TBPL1: variants seen among roughly 807,000 people sequenced by gnomAD.
The protein encoded by TBPL1 is TATA box-binding protein-like 1.
A neutral mutation model predicts 22.1 loss-of-function variants in TBPL1; 4 were observed. The ratio of observed to expected loss-of-function variants is 0.18; its 90% CI spans 0.09 to 0.41. The LOEUF (loss-of-function observed/expected upper bound fraction) is 0.41, where lower values mean the gene tolerates loss of function less well. Ranked by LOEUF, TBPL1 falls within the 10% of genes least tolerant of loss-of-function variation. The probability of loss-of-function intolerance (pLI) is 1.00; values close to 1 mark genes in which losing one functional copy is unlikely to be tolerated. For synonymous variants in TBPL1, 64 were observed against 71.0 expected, an observed-to-expected ratio of 0.90 and a Z score of 0.50; for missense variants, 115 against 222.3, an observed-to-expected ratio of 0.52 and a Z score of 3.07.
At chr6:133,959,467 C>T (rs2114324265) in intron 1 of TBPL1, among the ~76,000 whole-genome samples, 2 of 151,690 alleles carry the variant, frequency 1.3e-5, no homozygotes, top group East Asian at 3.9e-4. Context: ...CTCTAGTGTT[C>T]TTTCTTTCTT....
At position 133,964,904 on chromosome 6, in the gene TBPL1, T is replaced by C. The variant is rs74645340; in HGVS notation, c.-45+11479T>C. Among the ~76,000 whole-genome samples, 611 of 152,248 alleles carry C rather than the reference T, an allele frequency of 4.0e-3. 5 individuals are homozygous for C. Among genetic ancestry groups the C allele is most frequent in the African/African-American group, 0.014 (583 of 41,528 alleles). On this transcript the variant is annotated intron_variant, in intron 1 of 6. Transcript: ENST00000237264. ...ATAAAAACAGTCGAAACTATGAAAA[T>C]AGGAAGTTTCACCCGTTGTATTTTC...
chr6:133,964,551 C>T (rs575438975), intron 1 of TBPL1, among the ~76,000 whole-genome samples: 5 of 150,846 alleles, frequency 3.3e-5, no homozygotes, highest in Non-Finnish European at 7.4e-5. Flanking sequence ...CCCGGGTTCA[C>T]GCCATTCTCC....
chr6:133,967,190 C>G (rs930045444), intron 1 of TBPL1, among the ~76,000 whole-genome samples: 4 of 152,174 alleles, frequency 2.6e-5, no homozygotes, highest in Non-Finnish European at 5.9e-5. Context: ...AGGTCCCTAT[C>G]CCCTAGTATG....
chr6:133,976,328 A>G (rs1776311935), intron 1 of TBPL1, among the ~76,000 whole-genome samples: 1 of 152,222 alleles, frequency 6.6e-6, no homozygotes, highest in Non-Finnish European at 1.5e-5. Flanking sequence ...TTGAACATTT[A>G]CAATGTTTCA....
At chr6:133,954,749 C>G (rs1460287456) in intron 1 of TBPL1, among the ~76,000 whole-genome samples, 13 of 152,218 alleles carry the variant, frequency 8.5e-5, no homozygotes. Context: ...TTAAACCTGA[C>G]TTCTCCTAAG....
At chr6:133,959,842 T>C (rs1206726815) in intron 1 of TBPL1, among the ~76,000 whole-genome samples, 3 of 152,212 alleles carry the variant, frequency 2.0e-5, no homozygotes, top group African/African-American at 7.2e-5. Context: ...CTTTCAGATA[T>C]GAACATAATA....
chr6:133,984,043 T>C (rs1776463635), intron 4 of TBPL1, among the ~76,000 whole-genome samples: 1 of 152,208 alleles, frequency 6.6e-6, no homozygotes, highest in Non-Finnish European at 1.5e-5. Flanking sequence ...TGACCTGGAC[T>C]TAAATTTTTT....
chr6:133,978,343 C>G (rs543815325), intron 1 of TBPL1, among the ~76,000 whole-genome samples: 1 of 152,294 alleles, frequency 6.6e-6, no homozygotes, highest in East Asian at 1.9e-4. Context: ...TTTCACAACA[C>G]TGCTGTGTGG....
chr6:133,973,127 G>T (rs868641747), intron 1 of TBPL1, among the ~76,000 whole-genome samples: 3 of 152,210 alleles, frequency 2.0e-5, no homozygotes, highest in Admixed American at 6.5e-5. Flanking sequence ...TTGGGATTGG[G>T]ACACAAAATG....
intron 1 of TBPL1, among the ~76,000 whole-genome samples, chr6:133,978,389 A>G (rs895874843): frequency 6.6e-6 from 1 of 152,218 alleles, no homozygotes; most frequent in East Asian, 1.9e-4. Context: ...ATATGAGAAC[A>G]CTGAGACACA....
chr6:133,981,173 G>T (rs143423826), intron 2 of TBPL1, among the ~76,000 whole-genome samples: 1 of 151,818 alleles, frequency 6.6e-6, no homozygotes, highest in Non-Finnish European at 1.5e-5. Context: ...GGGTTTCACC[G>T]TGTTGGCCAG....
At position 133,953,231 on chromosome 6, in the gene TBPL1, C is replaced by G. The variant is rs1351532325; in HGVS notation, c.-239C>G. 6.5e-6 allele frequency: 1 copy of G among 152,824 alleles called. No individual in the cohort carries two copies. Among genetic ancestry groups the G allele is most frequent in the Non-Finnish European group, 1.5e-5 (1 of 68,200 alleles). 9.5% of individuals were successfully genotyped at this position (152,824 alleles called of 1,614,324 possible). ...CGGGGAAGCTGCGGCCGCCTCGCAC[C>G]CGGAACAACAAAGCAAGGAAGACGG... On this transcript the variant is annotated 5_prime_UTR_variant, in exon 1 of 7. Transcript: ENST00000237264.
chr6:133,969,623 G>A (rs550236786), intron 1 of TBPL1, among the ~76,000 whole-genome samples: 53 of 152,200 alleles, frequency 3.5e-4, no homozygotes, highest in African/African-American at 1.2e-3. Context: ...TTTATGGCCA[G>A]GCAAACTTGG....
rs1326174382 is a variant in TBPL1, at chr6:133,982,811, C to T, written c.219-6C>T. ...TGATAATCTTTTTCTTTCCTTAAAA[C>T]CGTAGTGAAGAAGAAGCTAAATTTG... On this transcript the variant is annotated splice_polypyrimidine_tract_variant and splice_region_variant and intron_variant, in intron 3 of 6. Transcript: ENST00000237264. The T allele has an allele frequency of 6.8e-6, 11 of 1,610,152 alleles. No homozygotes were observed. In the East Asian group the frequency reaches 1.3e-4, roughly 20 times the overall value.
chr6:133,972,476 C>G (rs1312870171), intron 1 of TBPL1, among the ~76,000 whole-genome samples: 1 of 152,196 alleles, frequency 6.6e-6, no homozygotes, highest in African/African-American at 2.4e-5. Context: ...GTCCAGTAAT[C>G]AGCAAACTTT....
intron 2 of TBPL1, among the ~76,000 whole-genome samples, chr6:133,982,034 G>A (rs1407300032): frequency 6.6e-6 from 1 of 152,150 alleles, no homozygotes; most frequent in East Asian, 1.9e-4. Context: ...AAGTAGTGAT[G>A]GGTACCATGA....
rs17063228 is a variant in TBPL1 at position 133,990,201 on chromosome 6, T to A, written c.*3161T>A. 0.11 allele frequency: 16,698 copies of A among 152,672 alleles called. 1,586 individuals carry two copies. Among genetic ancestry groups the A allele is most frequent in the African/African-American group, 0.26 (10,601 of 41,502 alleles). The allele number at this position is 152,672 out of a possible 1,614,324, so 9.5% of individuals were successfully genotyped here. On this transcript the variant is annotated 3_prime_UTR_variant, in exon 7 of 7. Coordinates refer to ENST00000237264, the MANE Select transcript of TBPL1 (RefSeq NM_004865.4). Reference sequence around the variant, plus strand: ...CTGAACATCATCATCAATTATAGCCTGTGTACCGTAACCTGAGGTAGTGAT... The same window carrying A: ...CTGAACATCATCATCAATTATAGCCAGTGTACCGTAACCTGAGGTAGTGAT...
Position 133,982,822 on chromosome 6 carries a change from A to C in TBPL1, c.224A>C (p.Glu75Ala). 1.9e-6 allele frequency: 3 copies of C among 1,611,174 alleles called. No homozygotes were observed. The highest frequency in any genetic ancestry group is 2.5e-6 in the Non-Finnish European group (3 of 1,179,306). ...TTCTTTCCTTAAAACCGTAGTGAAG[A>C]AGAAGCTAAATTTGGTGCCAGACGC... is the stretch of plus-strand genomic sequence containing the variant. ...KIICTGATSE[E>A]EAKFGARRLA... Residue 75 changes from glutamate to alanine, a missense_variant, in exon 4 of 7, where the codon GAA (glutamate) becomes GCA (alanine). Coordinates refer to ENST00000237264, the MANE Select transcript of TBPL1 (RefSeq NM_004865.4).
At chr6:133,965,305 A>G (rs550761098) in intron 1 of TBPL1, among the ~76,000 whole-genome samples, 135 of 152,348 alleles carry the variant, frequency 8.9e-4, no homozygotes, top group African/African-American at 3.1e-3. Flanking sequence ...GTAGGGGCAC[A>G]TATAAGACCT....
Sources: gnomAD v4.1 joint callset for allele counts (sites outside exome capture counted in the v4.1 genomes callset) on GRCh38, gnomAD v4.1.1 for gene constraint, MANE v1.5 for transcripts, NCBI Gene and HGNC (gene_info 2026-07-23, HGNC 2026-07-21) for gene names.